RREB1: variants seen among roughly 807,000 people sequenced by gnomAD.
RREB1 encodes the protein ras responsive element binding protein 1.
Under a neutral mutation model 117.8 loss-of-function variants are expected in RREB1, and 27 were observed. The ratio of observed to expected loss-of-function variants is 0.23; its 90% CI spans 0.17 to 0.32. The LOEUF (loss-of-function observed/expected upper bound fraction) is 0.32, where lower values mean the gene tolerates loss of function less well. Ranked by LOEUF, RREB1 falls within the 10% of genes least tolerant of loss-of-function variation. The pLI is 1.00. For synonymous variants in RREB1, 1,298 were observed against 1,026.7 expected (o/e 1.26, Z -5.05); for missense variants, 2,577 against 2,378.2 (o/e 1.08, Z -1.74).
intron 6 of RREB1, among the ~76,000 whole-genome samples, chr6:7,199,925 T>C (rs1765858699): frequency 1.3e-5 from 2 of 152,190 alleles, no homozygotes; most frequent in Admixed American, 1.3e-4. Flanking sequence ...TAGAAATCTG[T>C]GAATAATCGA....
At chr6:7,170,656 C>T (rs1764163410) in intron 1 of RREB1, among the ~76,000 whole-genome samples, 3 of 152,222 alleles carry the variant, frequency 2.0e-5, no homozygotes, top group African/African-American at 7.2e-5. Flanking sequence ...GTGTTTGTTC[C>T]TGAGGAAGCC....
intron 9 of RREB1, among the ~76,000 whole-genome samples, chr6:7,227,676 G>A (rs992097529): frequency 2.6e-5 from 4 of 152,060 alleles, no homozygotes; most frequent in Non-Finnish European, 5.9e-5. Flanking sequence ...AAATATTCCA[G>A]CGTTGTGGTT....
Position 7,246,542 on chromosome 6 carries a change from G to C in RREB1, c.4092G>C (p.Ala1364=), listed in dbSNP as rs938143340. 1.9e-6 allele frequency: 3 copies of C among 1,547,858 alleles called. No individual in the cohort carries two copies. The highest frequency in any genetic ancestry group is 1.4e-5 in the African/African-American group (1 of 73,310). ...AGCTCCGCCAGGTCGCAGGGGATGC[G>C]CCTGTGGAGCAGGCCACGGCGGAAA... is the stretch of plus-strand genomic sequence containing the variant. ...ATELRQVAGD[A]PVEQATAETA... is the part of the protein sequence containing the mutation. The change falls in exon 12 of 13, where the codon GCG becomes GCC. Residue 1364 remains alanine (A), a synonymous_variant. Coordinates refer to ENST00000379938, the MANE Select transcript of RREB1 (RefSeq NM_001003699.4).
At position 7,251,413 on chromosome 6, in the gene RREB1, C is replaced by T. The variant is rs920047935; in HGVS notation, c.*2445C>T. 2 of 150,742 alleles carry T rather than the reference C, an allele frequency of 1.3e-5. No homozygotes were observed. The highest frequency in any genetic ancestry group is 4.9e-5 in the African/African-American group (2 of 40,938). The allele number at this position is 150,742 out of a possible 1,614,324, so 9.3% of individuals were successfully genotyped here. A position where few individuals can be genotyped will look rare whatever the true frequency, so the allele number is the denominator to read the frequency against. On this transcript the variant is annotated 3_prime_UTR_variant, in exon 13 of 13. Coordinates refer to ENST00000379938, the MANE Select transcript of RREB1 (RefSeq NM_001003699.4). ...TACATTTTGTTTGATTCTCTTTCTC[C>T]TTCTCTCAGGGCTTTTACAAAAAAA... is the stretch of plus-strand genomic sequence containing the variant.
At chr6:7,190,196 A>C (rs1765329850) in intron 6 of RREB1, among the ~76,000 whole-genome samples, 1 of 152,226 alleles carries the variant, frequency 6.6e-6, no homozygotes, top group African/African-American at 2.4e-5. Flanking sequence ...CCTGAATTCA[A>C]GTCTCAACTG....
At chr6:7,190,859 G>A (rs986981266) in intron 6 of RREB1, among the ~76,000 whole-genome samples, 2 of 152,114 alleles carry the variant, frequency 1.3e-5, no homozygotes, top group Non-Finnish European at 2.9e-5. Flanking sequence ...CCCCTCTTGG[G>A]GGTTCCATCA....
Position 7,210,655 on chromosome 6 carries a change from T to TA in RREB1, c.426-144dup, listed in dbSNP as rs1766527899. On this transcript the variant is annotated intron_variant, in intron 6 of 12. Transcript: ENST00000379938. ...GAGGTTCAAGGAGATTATAGAGTTT[T>TA]AAAAAGATAGAAGTCACTGTATAAA... The TA allele has an allele frequency of 4.8e-6, 3 of 619,186 alleles. No individual in the cohort carries two copies. The African/African-American group carries it at 5.5e-5, about 11-fold the overall frequency. 38.4% of individuals were successfully genotyped at this position (619,186 alleles called of 1,614,324 possible).
At chr6:7,211,752 C>T in intron 8 of RREB1, 43 bp downstream of exon 8, 2 of 1,606,148 alleles carry the variant, frequency 1.2e-6, no homozygotes, top group Non-Finnish European at 1.7e-6. Context: ...TCCTGTTTCT[C>T]CTGGCATGTG....
chr6:7,219,184 C>T (rs988316992), intron 8 of RREB1: 1 of 149,184 alleles, frequency 6.7e-6, no homozygotes, highest in African/African-American at 2.5e-5. Context: ...GCATGAGAAT[C>T]GCATGAATCC....
intron 1 of RREB1, among the ~76,000 whole-genome samples, chr6:7,162,273 TAAAA>T (rs879255988): frequency 5.6e-5 from 8 of 142,066 alleles, no homozygotes; most frequent in Admixed American, 2.1e-4. Flanking sequence ...CAGTTTACCC[TAAAA>T]AAAAAAAAGA....
chr6:7,222,144 T>C (rs917669284), intron 8 of RREB1, among the ~76,000 whole-genome samples: 3 of 152,218 alleles, frequency 2.0e-5, no homozygotes, highest in Admixed American at 2.0e-4. Context: ...GCTTGTAGTT[T>C]AAGACGTTTC....
intron 1 of RREB1, among the ~76,000 whole-genome samples, chr6:7,164,082 C>T (rs1561754414): frequency 6.6e-6 from 1 of 152,080 alleles, no homozygotes; most frequent in Non-Finnish European, 1.5e-5. Context: ...GGGGGGACAG[C>T]ACAGTTCCTC....
At position 7,228,957 on chromosome 6, in the gene RREB1, C is replaced by G. The variant is rs9502563; in HGVS notation, c.898-40C>G. ...GTTTAGTGATTATTTTTTCAATCTT[C>G]ACATGTGTTCCCTTGCTTTTACCGG... On this transcript the variant is annotated intron_variant, in intron 9 of 12. Transcript: ENST00000379938. 14,920 of 1,460,870 alleles carry G rather than the reference C, an allele frequency of 0.01. 1,310 individuals carry two copies. The African/African-American group carries it at 0.18, about 18-fold the overall frequency. 90.5% of individuals were successfully genotyped at this position (1,460,870 alleles called of 1,614,324 possible). A position where few individuals can be genotyped will look rare whatever the true frequency, so the allele number is the denominator to read the frequency against.
chr6:7,188,871 C>G (rs1273699108), intron 5 of RREB1, among the ~76,000 whole-genome samples: 1 of 152,174 alleles, frequency 6.6e-6, no homozygotes, highest in Non-Finnish European at 1.5e-5. Flanking sequence ...GTCACTGAAT[C>G]TGTATGTGGT....
chr6:7,152,388 C>CT (rs938809898), intron 1 of RREB1, among the ~76,000 whole-genome samples: 3 of 152,066 alleles, frequency 2.0e-5, no homozygotes, highest in African/African-American at 4.8e-5. Flanking sequence ...TGTTAATTGA[C>CT]TTTTTTTATG....
rs546789039 is a variant in RREB1, at chr6:7,176,820, C to T, written c.-166+47C>T. The stretch of plus-strand genomic sequence containing the variant: ...CGCAGTGAGTCACAATAATGTTGAA[C>T]GTCGAGTCTTCCCATGCCCTCCTCT... On this transcript the variant is annotated intron_variant, in intron 2 of 12. Transcript: ENST00000379938. 5.2e-5 allele frequency: 8 copies of T among 152,648 alleles called. No individual in the cohort carries two copies. The East Asian group carries it at 1.2e-3, about 22-fold the overall frequency. The allele number at this position is 152,648 out of a possible 1,614,324, so 9.5% of individuals were successfully genotyped here.
intron 1 of RREB1, among the ~76,000 whole-genome samples, chr6:7,175,472 G>A (rs1764453389): frequency 6.6e-6 from 1 of 152,172 alleles, no homozygotes; most frequent in Non-Finnish European, 1.5e-5. Flanking sequence ...TGACAGCTGT[G>A]TGGCATGGAT....
chr6:7,112,587 C>G (rs1222336124), intron 1 of RREB1, among the ~76,000 whole-genome samples: 1 of 151,968 alleles, frequency 6.6e-6, no homozygotes, highest in Non-Finnish European at 1.5e-5. Flanking sequence ...GTTGCAGGTA[C>G]CTTATATCAA....
intron 8 of RREB1, among the ~76,000 whole-genome samples, chr6:7,225,658 G>T (rs1346753428): frequency 6.6e-6 from 1 of 152,198 alleles, no homozygotes; most frequent in African/African-American, 2.4e-5. Flanking sequence ...GAAGTGGACT[G>T]CCTCTGTGGG....
Sources: allele counts gnomAD v4.1 joint callset (sites outside exome capture counted in the v4.1 genomes callset), GRCh38; gene constraint gnomAD v4.1.1; transcripts MANE v1.5; gene names NCBI Gene and HGNC (gene_info 2026-07-23, HGNC 2026-07-21).